Variants in NEGR1 observed in about 807,000 individuals in gnomAD.
NEGR1 encodes neuronal growth regulator 1.
Under a neutral mutation model 40.9 loss-of-function variants are expected in NEGR1, and 10 were observed. The ratio of observed to expected loss-of-function variants is 0.24; its 90% CI spans 0.15 to 0.42. NEGR1 has a LOEUF of 0.42. Among genes scored for constraint, NEGR1 ranks in the 10% least tolerant of loss-of-function variants. The probability of loss-of-function intolerance (pLI) is 1.00; values close to 1 mark genes in which losing one functional copy is unlikely to be tolerated. For synonymous variants in NEGR1, 185 were observed against 166.8 expected (o/e 1.11, Z -0.84); for missense variants, 352 against 438.9 (o/e 0.80, Z 1.77).
intron 1 of NEGR1, among the ~76,000 whole-genome samples, chr1:71,971,119 G>A (rs1224254305): frequency 6.6e-6 from 1 of 152,162 alleles, no homozygotes; most frequent in Non-Finnish European, 1.5e-5. Flanking sequence ...GAAGACAAAG[G>A]CAGAGATTCG....
intron 6 of NEGR1, among the ~76,000 whole-genome samples, chr1:71,437,338 TGTG>T (rs1034668429): frequency 6.6e-6 from 1 of 152,140 alleles, no homozygotes; most frequent in African/African-American, 2.4e-5. Context: ...CTAAAATTGA[TGTG>T]GTGATGGTTG....
intron 6 of NEGR1, among the ~76,000 whole-genome samples, chr1:71,440,237 A>T (rs1391777360): frequency 6.6e-6 from 1 of 152,208 alleles, no homozygotes; most frequent in Non-Finnish European, 1.5e-5. Context: ...ACTAAAACTG[A>T]TGATTTACTA....
intron 1 of NEGR1, among the ~76,000 whole-genome samples, chr1:72,259,355 T>C (rs1473113390): frequency 6.6e-6 from 1 of 152,100 alleles, no homozygotes; most frequent in Non-Finnish European, 1.5e-5. Flanking sequence ...AGGTGCCATC[T>C]AAGGTGGATA....
intron 6 of NEGR1, among the ~76,000 whole-genome samples, chr1:71,448,100 G>A (rs183829933): frequency 1.3e-5 from 2 of 152,198 alleles, no homozygotes; most frequent in South Asian, 2.1e-4. Flanking sequence ...AGGGAAACAC[G>A]GTTTTCTGAT....
At chr1:71,641,595 T>G (rs17091554) in intron 4 of NEGR1, among the ~76,000 whole-genome samples, 2,688 of 152,078 alleles carry the variant, frequency 0.018, 58 homozygotes, top group African/African-American at 0.056. Context: ...ATCTCCAGAC[T>G]GTCAAAGGAT....
chr1:71,747,933 A>G (rs1476740301), intron 3 of NEGR1, among the ~76,000 whole-genome samples: 2 of 151,924 alleles, frequency 1.3e-5, no homozygotes, highest in Non-Finnish European at 2.9e-5. Flanking sequence ...ACTAATTCCT[A>G]TCATCCAGGT....
intron 5 of NEGR1, among the ~76,000 whole-genome samples, chr1:71,602,493 C>T (rs1035098389): frequency 2.0e-5 from 3 of 151,670 alleles, no homozygotes; most frequent in South Asian, 2.1e-4. Flanking sequence ...CCTCGTGATC[C>T]GCCCGCCTCG....
chr1:72,180,075 C>A (rs1652309183), intron 1 of NEGR1, among the ~76,000 whole-genome samples: 1 of 151,808 alleles, frequency 6.6e-6, no homozygotes, highest in Non-Finnish European at 1.5e-5. Context: ...GTAGCCAAAA[C>A]AATTCCAAGA....
chr1:71,541,297 A>T (rs1029757625), intron 6 of NEGR1, among the ~76,000 whole-genome samples: 3 of 151,724 alleles, frequency 2.0e-5, no homozygotes, highest in African/African-American at 7.3e-5. Flanking sequence ...TGTATCTCTC[A>T]TTTCTGACCT....
chr1:71,868,772 TTTCCTCTCTCACTGACCTAATACTCTC>T (rs1280567462), intron 2 of NEGR1, among the ~76,000 whole-genome samples: 3 of 152,148 alleles, frequency 2.0e-5, no homozygotes, highest in East Asian at 3.9e-4. Flanking sequence ...ATATTCCTTC[TTTCCTCTCTCACTGACCTAATACTCTC>T]TTCCTCTCTC....
At chr1:71,964,088 A>G (rs1423375264) in intron 1 of NEGR1, among the ~76,000 whole-genome samples, 1 of 152,200 alleles carries the variant, frequency 6.6e-6, no homozygotes, top group Non-Finnish European at 1.5e-5. Context: ...AATTTAAAAT[A>G]ACCTCAATCA....
intron 6 of NEGR1, among the ~76,000 whole-genome samples, chr1:71,541,457 C>T (rs1252777309): frequency 6.6e-6 from 1 of 151,624 alleles, no homozygotes; most frequent in Non-Finnish European, 1.5e-5. Flanking sequence ...GACAGATATC[C>T]CTGGAGTATT....
At chr1:72,182,893 T>C (rs1280426700) in intron 1 of NEGR1, among the ~76,000 whole-genome samples, 1 of 151,980 alleles carries the variant, frequency 6.6e-6, no homozygotes, top group Non-Finnish European at 1.5e-5. Context: ...GTTCTATTTG[T>C]GACACTTCAT....
intron 1 of NEGR1, among the ~76,000 whole-genome samples, chr1:72,014,008 GTTAA>G (rs1340674005): frequency 1.4e-5 from 2 of 139,650 alleles, no homozygotes; most frequent in Non-Finnish European, 1.5e-5. Context: ...GGGAGAACTA[GTTAA>G]TTAATCTAGA....
intron 4 of NEGR1, among the ~76,000 whole-genome samples, chr1:71,674,586 G>GCACA (rs3220087): frequency 0.1 from 14,739 of 146,760 alleles, 764 homozygotes; most frequent in African/African-American, 0.15. Flanking sequence ...TGCTGGGAGG[G>GCACA]CACACACACA....
At chr1:72,225,806 T>C (rs552722792) in intron 1 of NEGR1, among the ~76,000 whole-genome samples, 2 of 151,840 alleles carry the variant, frequency 1.3e-5, no homozygotes, top group Admixed American at 6.6e-5. Context: ...CAAATTAAAC[T>C]ACTTTAGGTA....
In NEGR1 at chr1:71,637,865, G is replaced by T. The variant is rs150551675; in HGVS notation, c.668-26719C>A. 3.3e-5 allele frequency among the ~76,000 whole-genome samples: 5 copies of T among 152,070 alleles called. 1 individual carries two copies. The East Asian group carries it at 9.7e-4, about 30-fold the overall frequency. ...TGAATGCAATCTCTCCTCACTCATA[G>T]AGTCCCTATCTGAACACCAGCAATG... is the stretch of plus-strand genomic sequence containing the variant. On this transcript the variant is annotated intron_variant, in intron 4 of 6. Transcript: ENST00000357731.
intron 2 of NEGR1, among the ~76,000 whole-genome samples, chr1:71,814,490 C>A (rs753046708): frequency 9.2e-5 from 14 of 151,996 alleles, no homozygotes; most frequent in African/African-American, 3.1e-4. Flanking sequence ...AAAATGGTAC[C>A]AGCTCCTCTT....
intron 5 of NEGR1, among the ~76,000 whole-genome samples, chr1:71,603,135 A>G (rs1224664524): frequency 1.3e-5 from 2 of 152,268 alleles, no homozygotes; most frequent in East Asian, 3.8e-4. Flanking sequence ...GTTATCTCAC[A>G]GATTAATGAA....
Sources: gnomAD v4.1 joint callset for allele counts (sites outside exome capture counted in the v4.1 genomes callset) on GRCh38, gnomAD v4.1.1 for gene constraint, MANE v1.5 for transcripts, NCBI Gene and HGNC (gene_info 2026-07-23, HGNC 2026-07-21) for gene names.